The following ERC2 variants were observed in gnomAD, a reference collection of about 807,000 sequenced individuals.
ERC2 encodes the protein ELKS/RAB6-interacting/CAST family member 2, also known as ERC protein 2.
In ERC2, 42 loss-of-function variants were observed where a neutral mutation model predicts 114.8. The observed-to-expected ratio is 0.37, with a 90% CI of 0.29 to 0.47. The LOEUF (loss-of-function observed/expected upper bound fraction) is 0.47, where lower values mean the gene tolerates loss of function less well. Ranked by LOEUF, ERC2 falls within the 20% of genes least tolerant of loss-of-function variation. The probability of loss-of-function intolerance (pLI) is 0.99; values close to 1 mark genes in which losing one functional copy is unlikely to be tolerated. For synonymous variants in ERC2, 454 were observed against 425.5 expected (o/e 1.07, Z -0.82); for missense variants, 939 against 1,150.7 (o/e 0.82, Z 2.66).
At chr3:56,388,790 G>A (rs1397236614) in intron 2 of ERC2, among the ~76,000 whole-genome samples, 3 of 152,178 alleles carry the variant, frequency 2.0e-5, no homozygotes, top group Non-Finnish European at 4.4e-5. Context: ...CACAAAAAGT[G>A]TAGGCCCTCA....
At chr3:56,339,389 T>C (rs2057996593) in intron 2 of ERC2, among the ~76,000 whole-genome samples, 1 of 151,882 alleles carries the variant, frequency 6.6e-6, no homozygotes, top group African/African-American at 2.4e-5. Context: ...CAGCTTGTGT[T>C]AAGGTGGGGA....
At chr3:56,254,970 T>A (rs2052418818) in intron 3 of ERC2, among the ~76,000 whole-genome samples, 1 of 152,246 alleles carries the variant, frequency 6.6e-6, no homozygotes, top group Non-Finnish European at 1.5e-5. Context: ...TCAAAGACCA[T>A]GTGCCAAATA....
intron 3 of ERC2, among the ~76,000 whole-genome samples, chr3:56,285,011 T>TCACA (rs1224717422): frequency 2.6e-4 from 25 of 95,664 alleles, no homozygotes; most frequent in African/African-American, 5.9e-4. Context: ...TCTCTCTCTC[T>TCACA]CACACACACA....
chr3:55,531,685 T>C (rs1036468908), intron 17 of ERC2, among the ~76,000 whole-genome samples: 8 of 152,220 alleles, frequency 5.3e-5, no homozygotes, highest in Non-Finnish European at 8.8e-5. Context: ...GATTTCAACC[T>C]GCTGATGGGA....
intron 14 of ERC2, among the ~76,000 whole-genome samples, chr3:55,832,980 A>G: frequency 6.6e-6 from 1 of 151,948 alleles, no homozygotes; most frequent in Non-Finnish European, 1.5e-5. Context: ...TCAGGAGCCA[A>G]TGCGATCAAC....
chr3:55,886,146 G>C lies in ERC2; in HGVS notation c.2564+2243C>G, dbSNP rs537641192. 1.1e-4 allele frequency among the ~76,000 whole-genome samples: 16 copies of C among 152,260 alleles called. No homozygotes were observed. In the East Asian group the frequency reaches 3.1e-3, roughly 29 times the overall value. ...CACACAGGGAGGAAGACGAGAGACA[G>C]GTGAACAGGAAAGAATACAGGCTGA... On this transcript the variant is annotated intron_variant, in intron 14 of 17. Transcript: ENST00000288221.
At chr3:55,958,847 G>C (rs1559934378) in intron 12 of ERC2, among the ~76,000 whole-genome samples, 1 of 152,196 alleles carries the variant, frequency 6.6e-6, no homozygotes, top group Non-Finnish European at 1.5e-5. Flanking sequence ...GGGCACTGGG[G>C]GCTTCCCGGC....
At chr3:56,325,386 C>T (rs2057314630) in intron 2 of ERC2, among the ~76,000 whole-genome samples, 1 of 152,014 alleles carries the variant, frequency 6.6e-6, no homozygotes, top group Non-Finnish European at 1.5e-5. Context: ...GCAGAGCTTG[C>T]AGTGAGCCAA....
chr3:55,687,258 C>T (rs1343737419), intron 16 of ERC2, among the ~76,000 whole-genome samples: 3 of 152,168 alleles, frequency 2.0e-5, no homozygotes, highest in African/African-American at 7.2e-5. Flanking sequence ...AGCAAAGAGG[C>T]TCTGAGAAGA....
At chr3:56,271,930 C>A (rs187127312) in intron 3 of ERC2, among the ~76,000 whole-genome samples, 2 of 152,212 alleles carry the variant, frequency 1.3e-5, no homozygotes, top group Admixed American at 1.3e-4. Context: ...ACACAATGTT[C>A]TTTTTTATGG....
chr3:56,051,906 CAG>C (rs2075790564), intron 7 of ERC2, among the ~76,000 whole-genome samples: 1 of 150,886 alleles, frequency 6.6e-6, no homozygotes, highest in South Asian at 2.1e-4. Flanking sequence ...ATTTATTTGT[CAG>C]AGTTAGTGTC....
intron 15 of ERC2, among the ~76,000 whole-genome samples, chr3:55,730,529 T>C (rs1318709193): frequency 1.3e-5 from 2 of 152,160 alleles, no homozygotes; most frequent in African/African-American, 4.8e-5. Context: ...ACTCAGTCAC[T>C]TGTGGTGGTC....
intron 17 of ERC2, among the ~76,000 whole-genome samples, chr3:55,602,765 C>T (rs747809519): frequency 4.6e-5 from 7 of 152,254 alleles, no homozygotes; most frequent in Non-Finnish European, 7.4e-5. Context: ...CCCCAATGAA[C>T]GCCTGATCAT....
intron 4 of ERC2, among the ~76,000 whole-genome samples, chr3:56,168,363 G>A (rs2082434754): frequency 6.6e-6 from 1 of 152,112 alleles, no homozygotes; most frequent in African/African-American, 2.4e-5. Flanking sequence ...AGGAGCAGGG[G>A]CATATTCTTA....
chr3:56,389,053 T>G (rs1197228253), intron 2 of ERC2, among the ~76,000 whole-genome samples: 1 of 152,138 alleles, frequency 6.6e-6, no homozygotes, highest in Non-Finnish European at 1.5e-5. Context: ...TAATGCATAT[T>G]TTATAGAACT....
intron 3 of ERC2, among the ~76,000 whole-genome samples, chr3:56,217,186 G>C (rs1475363292): frequency 2.0e-5 from 3 of 152,190 alleles, no homozygotes; most frequent in Non-Finnish European, 4.4e-5. Flanking sequence ...ATTAGGAAAA[G>C]AGGAAGTCAA....
At chr3:55,808,175 A>G (rs1055697554) in intron 14 of ERC2, among the ~76,000 whole-genome samples, 9 of 152,176 alleles carry the variant, frequency 5.9e-5, no homozygotes, top group African/African-American at 2.2e-4. Context: ...AAATGAGATG[A>G]AAGAGCAGAC....
At chr3:55,621,978 T>G (rs1359976748) in intron 17 of ERC2, among the ~76,000 whole-genome samples, 1 of 152,198 alleles carries the variant, frequency 6.6e-6, no homozygotes, top group Non-Finnish European at 1.5e-5. Context: ...AGCTATTTCC[T>G]TTCTTGTTCA....
intron 3 of ERC2, among the ~76,000 whole-genome samples, chr3:56,203,937 T>A (rs1414006815): frequency 6.6e-6 from 1 of 151,886 alleles, no homozygotes. Context: ...ATCCCAGCAC[T>A]TTGGGAGGCC....
Sources: gnomAD v4.1 joint callset for allele counts (sites outside exome capture counted in the v4.1 genomes callset) on GRCh38, gnomAD v4.1.1 for gene constraint, MANE v1.5 for transcripts, NCBI Gene and HGNC (gene_info 2026-07-23, HGNC 2026-07-21) for gene names.